NIPBL: variants seen among roughly 807,000 people sequenced by gnomAD.
The protein encoded by NIPBL is nipped-B-like protein.
A neutral mutation model predicts 321.8 loss-of-function variants in NIPBL; 19 were observed. The observed-to-expected ratio is 0.06, with a 90% CI of 0.04 to 0.09. The LOEUF (loss-of-function observed/expected upper bound fraction) is 0.09. Ranked by LOEUF, NIPBL falls within the 10% of genes least tolerant of loss-of-function variation. The pLI, the probability that NIPBL is intolerant of heterozygous loss-of-function variation, is 1.00. For synonymous variants in NIPBL, 1,106 were observed against 1,114.1 expected, an observed-to-expected ratio of 0.99 and a Z score of 0.14; for missense variants, 2,210 against 3,327.0, an observed-to-expected ratio of 0.66 and a Z score of 8.26.
intron 41 of NIPBL, among the ~76,000 whole-genome samples, 197 bp from the exon 42 acceptor site, chr5:37,052,168 AT>A (rs922929675): frequency 1.1e-4 from 17 of 148,834 alleles, no homozygotes; most frequent in African/African-American, 3.0e-4. Flanking sequence ...CCTGGGCCTC[AT>A]TTTTTTTTTC....
chr5:36,929,851 T>C (rs1358336098), intron 1 of NIPBL, among the ~76,000 whole-genome samples: 1 of 152,074 alleles, frequency 6.6e-6, no homozygotes, highest in Admixed American at 6.5e-5. Flanking sequence ...TTTTATTCCA[T>C]TGAATTTTGT....
In NIPBL at chr5:36,995,340, A is replaced by C. The variant is rs986086463; in HGVS notation, c.3122-282A>C. 24 of 264,514 alleles carry C rather than the reference A, an allele frequency of 9.1e-5. No individual in the cohort carries two copies. The South Asian group carries it at 1.2e-3, about 13-fold the overall frequency. 16.4% of individuals were successfully genotyped at this position (264,514 alleles called of 1,614,324 possible). A position where few individuals can be genotyped will look rare whatever the true frequency, so the allele number is the denominator to read the frequency against. The stretch of plus-strand genomic sequence containing the variant: ...TTCAGAAAGTTTTTAGTCAGTGCAA[A>C]TTGAAGGCATTATATCAAAAATGTA... On this transcript the variant is annotated intron_variant, in intron 10 of 46. Coordinates refer to ENST00000282516, the MANE Select transcript of NIPBL (RefSeq NM_133433.4).
At position 36,961,599 on chromosome 5, in the gene NIPBL, A is replaced by G. The variant is rs776262849; in HGVS notation, c.458+16A>G. 4 of 1,389,596 alleles carry G rather than the reference A, an allele frequency of 2.9e-6. No homozygotes were observed. In the South Asian group the frequency reaches 4.6e-5, roughly 16 times the overall value. 86.1% of individuals were successfully genotyped at this position (1,389,596 alleles called of 1,614,324 possible). On this transcript the variant is annotated intron_variant, in intron 5 of 46. Transcript: ENST00000282516. ...GCCCCTCCAGGTAATATATGTATAT[A>G]TCGTTTATTAAATATTGTCTTGTAT...
At chr5:37,041,773 C>T (rs1324738115) in intron 34 of NIPBL, among the ~76,000 whole-genome samples, 1 of 151,924 alleles carries the variant, frequency 6.6e-6, no homozygotes, top group East Asian at 1.9e-4. Context: ...CCATGTTGGC[C>T]AGGCTGGTCT....
At chr5:37,015,226 C>T (rs1052941722) in intron 22 of NIPBL, among the ~76,000 whole-genome samples, 5 of 151,946 alleles carry the variant, frequency 3.3e-5, no homozygotes, top group Admixed American at 2.0e-4. Flanking sequence ...CAGCTTCAAG[C>T]GATTCTCCTG....
At position 37,051,276 on chromosome 5, in the gene NIPBL, T is replaced by C. The variant is rs116171103; in HGVS notation, c.6955-503T>C. The C allele has an allele frequency of 7.0e-3, 1,108 of 158,088 alleles. 8 individuals are homozygous for C. Among genetic ancestry groups the C allele is most frequent in the Non-Finnish European group, 9.4e-3 (676 of 72,210 alleles). 9.8% of individuals were successfully genotyped at this position (158,088 alleles called of 1,614,324 possible). Reference sequence around the variant, plus strand: ...GACTCACTTAACATAGTAGTACTGTTTTTTGACTCTAGAAGTACAGTGAAT... The same window carrying C: ...GACTCACTTAACATAGTAGTACTGTCTTTTGACTCTAGAAGTACAGTGAAT... On this transcript the variant is annotated intron_variant, in intron 40 of 46. Coordinates refer to ENST00000282516, the MANE Select transcript of NIPBL (RefSeq NM_133433.4).
intron 1 of NIPBL, among the ~76,000 whole-genome samples, chr5:36,940,409 T>C (rs1405767584): frequency 6.6e-6 from 1 of 152,128 alleles, no homozygotes. Context: ...TGTACGTACC[T>C]TTTCTCCCTC....
At chr5:36,909,684 T>C (rs950913562) in intron 1 of NIPBL, among the ~76,000 whole-genome samples, 10 of 151,960 alleles carry the variant, frequency 6.6e-5, no homozygotes, top group Non-Finnish European at 1.3e-4. Context: ...AGAGAAAAGG[T>C]TAAATGGGCA....
intron 1 of NIPBL, among the ~76,000 whole-genome samples, chr5:36,945,543 A>G (rs1252473953): frequency 6.6e-6 from 1 of 152,196 alleles, no homozygotes; most frequent in Admixed American, 6.5e-5. Flanking sequence ...TGATATAGCT[A>G]CACTATTGGG....
rs58831894 is a variant in NIPBL, at chr5:37,032,386, C to CGTGTGTGTGT, written c.5863-3950_5863-3941dup. On this transcript the variant is annotated intron_variant, in intron 32 of 46. Coordinates refer to ENST00000282516, the MANE Select transcript of NIPBL (RefSeq NM_133433.4). ...GTGTATGCATATGCATACATGTATA[C>CGTGTGTGTGT]GTGTGTGTGTGTGTGTGTGTGTGTG... Among the ~76,000 whole-genome samples the CGTGTGTGTGT allele has an allele frequency of 6.8e-3, 846 of 123,586 alleles. 11 individuals carry two copies. Among genetic ancestry groups the CGTGTGTGTGT allele is most frequent in the Admixed American group, 0.012 (139 of 12,018 alleles). 81.1% of individuals were successfully genotyped at this position (123,586 alleles called of 152,430 possible). A position where few individuals can be genotyped will look rare whatever the true frequency, so the allele number is the denominator to read the frequency against.
At chr5:36,997,777 A>G (rs1191255597) in intron 11 of NIPBL, among the ~76,000 whole-genome samples, 2 of 152,216 alleles carry the variant, frequency 1.3e-5, no homozygotes, top group Admixed American at 6.5e-5. Flanking sequence ...ATAAACAACC[A>G]AATGGTCACA....
At chr5:36,972,615 A>G (rs763256650) in intron 8 of NIPBL, among the ~76,000 whole-genome samples, 2 of 152,060 alleles carry the variant, frequency 1.3e-5, no homozygotes, top group African/African-American at 4.8e-5. Flanking sequence ...CCCAAGTTCT[A>G]ATTCTTCATT....
chr5:36,883,713 A>G (rs1745673429), intron 1 of NIPBL, among the ~76,000 whole-genome samples: 1 of 151,998 alleles, frequency 6.6e-6, no homozygotes, highest in Non-Finnish European at 1.5e-5. Flanking sequence ...CAACCCTTTC[A>G]GTATTTTAAA....
intron 1 of NIPBL, among the ~76,000 whole-genome samples, chr5:36,882,580 T>C (rs1355736282): frequency 6.6e-6 from 1 of 151,990 alleles, no homozygotes; most frequent in Non-Finnish European, 1.5e-5. Context: ...TCAGTGAAGT[T>C]AGTGATACTG....
intron 1 of NIPBL, among the ~76,000 whole-genome samples, chr5:36,883,412 A>G (rs894810501): frequency 1.3e-5 from 2 of 151,968 alleles, no homozygotes; most frequent in African/African-American, 2.4e-5. Flanking sequence ...AAGCTGTGAC[A>G]TAATTTTAAA....
intron 32 of NIPBL, among the ~76,000 whole-genome samples, chr5:37,027,658 G>A (rs1332381269): frequency 6.0e-5 from 7 of 117,568 alleles, no homozygotes; most frequent in African/African-American, 1.7e-4. Flanking sequence ...TCACTCTGTC[G>A]CCCAGGCTGG....
chr5:37,054,286 C>T (rs933421598), intron 42 of NIPBL, among the ~76,000 whole-genome samples: 1 of 151,798 alleles, frequency 6.6e-6, no homozygotes, highest in African/African-American at 2.4e-5. Context: ...ATTATAATTA[C>T]CATAGTGCAG....
At position 37,048,491 on chromosome 5, in the gene NIPBL, CT is replaced by C; in HGVS notation, c.6590-10del. The C allele has an allele frequency of 1.3e-6, 2 of 1,518,604 alleles. No homozygotes were observed. Among genetic ancestry groups the C allele is most frequent in the Non-Finnish European group, 1.8e-6 (2 of 1,128,256 alleles). The allele number at this position is 1,518,604 out of a possible 1,614,324, so 94.1% of individuals were successfully genotyped here. A position where few individuals can be genotyped will look rare whatever the true frequency, so the allele number is the denominator to read the frequency against. ...ATGAATATATGATGAGATTTTTCCCCTCTCCCATAGGATTTGCCTTTATTCA... is the reference window on the plus strand; with the variant it reads ...ATGAATATATGATGAGATTTTTCCCCCTCCCATAGGATTTGCCTTTATTCA... On this transcript the variant is annotated splice_polypyrimidine_tract_variant and intron_variant, in intron 38 of 46. Transcript: ENST00000282516.
Position 37,017,245 on chromosome 5 carries a change from T to C in NIPBL, c.4920+83T>C, listed in dbSNP as rs534262971. 25 of 1,318,640 alleles carry C rather than the reference T, an allele frequency of 1.9e-5. No individual in the cohort carries two copies. In the Admixed American group the frequency reaches 5.2e-4, roughly 28 times the overall value. 81.7% of individuals were successfully genotyped at this position (1,318,640 alleles called of 1,614,324 possible). On this transcript the variant is annotated intron_variant, in intron 24 of 46. Coordinates refer to ENST00000282516, the MANE Select transcript of NIPBL (RefSeq NM_133433.4). ...TCCTTACATTAGTTTTGCATTTCAT[T>C]TTGTGTGGATTCAAAATAAGATTTT...
Sources: allele counts gnomAD v4.1 joint callset (sites outside exome capture counted in the v4.1 genomes callset), GRCh38; gene constraint gnomAD v4.1.1; transcripts MANE v1.5; gene names NCBI Gene and HGNC (gene_info 2026-07-23, HGNC 2026-07-21).